The following DENND1A variants were observed in gnomAD, a reference collection of about 807,000 sequenced individuals.
The protein encoded by DENND1A is DENN domain containing 1A, also known as DENN domain-containing protein 1A.
In DENND1A, 51 loss-of-function variants were observed where a neutral mutation model predicts 113.7. The ratio of observed to expected loss-of-function variants is 0.45; its 90% CI spans 0.36 to 0.57. The LOEUF (loss-of-function observed/expected upper bound fraction) is 0.57. DENND1A is among the 20% of genes least tolerant of loss of function. DENND1A has a pLI of 0.00. For synonymous variants in DENND1A, 565 were observed against 570.8 expected, an observed-to-expected ratio of 0.99 and a Z score of 0.14; for missense variants, 1,258 against 1,395.9, an observed-to-expected ratio of 0.90 and a Z score of 1.57.
chr9:123,745,595 G>A (rs74947185), intron 5 of DENND1A, among the ~76,000 whole-genome samples: 3,402 of 152,312 alleles, frequency 0.022, 54 homozygotes, highest in Non-Finnish European at 0.034. Context: ...TGAAGTCAAC[G>A]ATATACATGT....
intron 11 of DENND1A, among the ~76,000 whole-genome samples, chr9:123,588,069 G>A (rs1365899694): frequency 2.0e-5 from 3 of 152,008 alleles, no homozygotes; most frequent in Non-Finnish European, 4.4e-5. Context: ...CCAGAGGTCA[G>A]GAGTTCGAGA....
At chr9:123,634,093 C>CCTAATGTTT (rs1215806653) in intron 9 of DENND1A, among the ~76,000 whole-genome samples, 1 of 152,168 alleles carries the variant, frequency 6.6e-6, no homozygotes, top group African/African-American at 2.4e-5. Flanking sequence ...TGGTTTGGGT[C>CCTAATGTTT]AAAAGCCTAT....
chr9:123,637,955 A>ACACACACACGCG (rs1758428459), intron 9 of DENND1A, among the ~76,000 whole-genome samples: 2 of 1,690 alleles, frequency 1.2e-3, no homozygotes, highest in Admixed American at 7.9e-3. Context: ...ACACACGCGC[A>ACACACACACGCG]CACACACACA....
chr9:123,796,100 G>A (rs1473310082), intron 2 of DENND1A, among the ~76,000 whole-genome samples: 2 of 152,134 alleles, frequency 1.3e-5, no homozygotes, highest in Admixed American at 6.6e-5. Flanking sequence ...AAAAAATATT[G>A]TATTTAAAAT....
intron 19 of DENND1A, among the ~76,000 whole-genome samples, chr9:123,427,285 T>A (rs967102431): frequency 1.3e-5 from 2 of 152,240 alleles, no homozygotes; most frequent in African/African-American, 4.8e-5. Flanking sequence ...GTCATTGCCA[T>A]CTCTGTTTTC....
intron 5 of DENND1A, among the ~76,000 whole-genome samples, chr9:123,749,837 G>A (rs893775831): frequency 9.2e-5 from 14 of 152,142 alleles, no homozygotes; most frequent in Admixed American, 6.5e-4. Flanking sequence ...AGCTTCATGA[G>A]GATTAATGAC....
intron 2 of DENND1A, among the ~76,000 whole-genome samples, chr9:123,804,422 C>T (rs1346063451): frequency 6.6e-6 from 1 of 152,196 alleles, no homozygotes. Flanking sequence ...CCAAAGCATC[C>T]CACTCTCCTG....
At chr9:123,728,161 G>C (rs912617024) in intron 5 of DENND1A, among the ~76,000 whole-genome samples, 1 of 150,340 alleles carries the variant, frequency 6.7e-6, no homozygotes, top group South Asian at 2.1e-4. Flanking sequence ...TTCATGGACT[G>C]AAAGACCCAA....
intron 20 of DENND1A, among the ~76,000 whole-genome samples, chr9:123,410,783 G>T (rs1306745556): frequency 6.6e-6 from 1 of 152,234 alleles, no homozygotes; most frequent in African/African-American, 2.4e-5. Flanking sequence ...ACACTGGGTT[G>T]TGGGGTACTC....
In DENND1A at chr9:123,858,755, A is replaced by G. The variant is rs1220903151; in HGVS notation, c.88+20196T>C. 2.6e-5 allele frequency among the ~76,000 whole-genome samples: 4 copies of G among 152,356 alleles called. No individual in the cohort carries two copies. In the East Asian group the frequency reaches 7.7e-4, roughly 29 times the overall value. On this transcript the variant is annotated intron_variant, in intron 2 of 23. Coordinates refer to ENST00000394215, the MANE Select transcript of DENND1A (RefSeq NM_001352964.2). The stretch of plus-strand genomic sequence containing the variant: ...CAGTCTGTAGGCAATAGGAGAAACC[A>G]AGTGTGACTGAGATCTTACTTGGAG...
chr9:123,403,989 G>C (rs2043727725), intron 20 of DENND1A, among the ~76,000 whole-genome samples: 1 of 152,190 alleles, frequency 6.6e-6, no homozygotes, highest in Admixed American at 6.5e-5. Flanking sequence ...CTAAATAAGA[G>C]AGGCATGAGA....
intron 1 of DENND1A, among the ~76,000 whole-genome samples, chr9:123,911,133 A>C (rs1853872829): frequency 6.6e-6 from 1 of 152,242 alleles, no homozygotes; most frequent in Non-Finnish European, 1.5e-5. Flanking sequence ...ACCTCACAAA[A>C]GAAGATATCT....
chr9:123,533,096 C>T (rs1024943232), intron 13 of DENND1A, among the ~76,000 whole-genome samples: 3 of 152,206 alleles, frequency 2.0e-5, no homozygotes, highest in Non-Finnish European at 4.4e-5. Context: ...TTCTGGCTTT[C>T]TCTATCTCTG....
chr9:123,718,732 G>C (rs931520507), intron 5 of DENND1A, among the ~76,000 whole-genome samples: 1 of 152,170 alleles, frequency 6.6e-6, no homozygotes, highest in Non-Finnish European at 1.5e-5. Context: ...ACTGCCATTG[G>C]AACTACAGAC....
chr9:123,694,411 A>C (rs1461172825), intron 5 of DENND1A, among the ~76,000 whole-genome samples: 1 of 152,142 alleles, frequency 6.6e-6, no homozygotes, highest in Non-Finnish European at 1.5e-5. Context: ...GTTGCTCTAA[A>C]CTGTTTAACT....
intron 13 of DENND1A, among the ~76,000 whole-genome samples, chr9:123,479,933 A>C (rs776003555): frequency 5.3e-5 from 8 of 152,234 alleles, no homozygotes; most frequent in Non-Finnish European, 1.2e-4. Flanking sequence ...TCATTTAGTC[A>C]TGATGAATGG....
chr9:123,870,879 C>T (rs559129689), intron 2 of DENND1A, among the ~76,000 whole-genome samples: 2 of 151,996 alleles, frequency 1.3e-5, no homozygotes, highest in Non-Finnish European at 2.9e-5. Context: ...AAGAAAAGTG[C>T]CTGGGGCATA....
At chr9:123,502,428 A>T (rs1410590803) in intron 13 of DENND1A, among the ~76,000 whole-genome samples, 1 of 152,034 alleles carries the variant, frequency 6.6e-6, no homozygotes, top group African/African-American at 2.4e-5. Flanking sequence ...TTCTGATTTG[A>T]TTTCCTGAAT....
At chr9:123,741,670 G>A (rs2069037213) in intron 5 of DENND1A, among the ~76,000 whole-genome samples, 1 of 152,142 alleles carries the variant, frequency 6.6e-6, no homozygotes, top group African/African-American at 2.4e-5. Context: ...AAAATAGACA[G>A]ATATCCTGGT....
Sources: allele counts gnomAD v4.1 joint callset (sites outside exome capture counted in the v4.1 genomes callset), GRCh38; gene constraint gnomAD v4.1.1; transcripts MANE v1.5; gene names NCBI Gene and HGNC (gene_info 2026-07-23, HGNC 2026-07-21).